The following EMX2 variants were observed in gnomAD, a reference collection of about 807,000 sequenced individuals.
EMX2 encodes homeobox protein EMX2.
Under a neutral mutation model 23.0 loss-of-function variants are expected in EMX2, and 6 were observed. That is an observed-to-expected ratio of 0.26 (90% CI 0.14 to 0.52). The LOEUF is 0.52. Among genes scored for constraint, EMX2 ranks in the 20% least tolerant of loss-of-function variants. EMX2 has a pLI of 0.97. For missense variants in EMX2, 302 were observed against 341.4 expected, an observed-to-expected ratio of 0.88 and a Z score of 0.91; for synonymous variants, 175 against 153.3, an observed-to-expected ratio of 1.14 and a Z score of -1.04.
intron 1 of EMX2, 107 bp from the exon 2 acceptor site, chr10:117,545,525 T>C: frequency 2.2e-6 from 3 of 1,382,698 alleles, no homozygotes; most frequent in Non-Finnish European, 3.0e-6. Context: ...GCGGCGCGGC[T>C]ATGCGAAGGC....
Position 117,543,219 on chromosome 10 carries a change from G to A in EMX2, c.-49G>A, listed in dbSNP as rs1406182567. On this transcript the variant is annotated 5_prime_UTR_variant, in exon 1 of 3. Transcript: ENST00000553456. ...GCAGCGGGCGGCGGAGGCAGCGTGC[G>A]GCGGTCGCCAGGAGCTGGGAGCCCA... 8 of 1,310,924 alleles carry A rather than the reference G, an allele frequency of 6.1e-6. No individual in the cohort carries two copies. The South Asian group carries it at 7.0e-5, about 12-fold the overall frequency. 81.2% of individuals were successfully genotyped at this position (1,310,924 alleles called of 1,614,324 possible). A position where few individuals can be genotyped will look rare whatever the true frequency, so the allele number is the denominator to read the frequency against.
Position 117,543,191 on chromosome 10 carries a change from C to CG in EMX2, c.-74dup. 3 of 1,317,750 alleles carry CG rather than the reference C, an allele frequency of 2.3e-6. No individual in the cohort carries two copies. The highest frequency in any genetic ancestry group is 2.9e-6 in the Non-Finnish European group (3 of 1,026,618). 81.6% of individuals were successfully genotyped at this position (1,317,750 alleles called of 1,614,324 possible). ...CCCCAATTCTCGTCCGTCCTCGCCG[C>CG]GGGCAGCGGGCGGCGGAGGCAGCGT... On this transcript the variant is annotated 5_prime_UTR_variant, in exon 1 of 3. Coordinates refer to ENST00000553456, the MANE Select transcript of EMX2 (RefSeq NM_004098.4).
chr10:117,547,703 A>G (rs1166220950), intron 2 of EMX2, among the ~76,000 whole-genome samples: 1 of 152,150 alleles, frequency 6.6e-6, no homozygotes, highest in East Asian at 1.9e-4. Context: ...TTTTCTTTTA[A>G]TCACTTATTA....
intron 1 of EMX2, chr10:117,544,817 C>T (rs1007668982): frequency 1.3e-5 from 2 of 152,184 alleles, no homozygotes; most frequent in African/African-American, 4.8e-5. Context: ...AATGAGTGAA[C>T]CCAAAACTCT....
intron 1 of EMX2, among the ~76,000 whole-genome samples, chr10:117,543,891 CG>C: frequency 6.6e-6 from 1 of 152,234 alleles, no homozygotes; most frequent in East Asian, 1.9e-4. Flanking sequence ...GCCTGCGGGC[CG>C]CTTGACCCTT....
In EMX2 at chr10:117,543,731, C is replaced by G. The variant is rs1319654416; in HGVS notation, c.406+58C>G. The G allele has an allele frequency of 2.5e-6, 4 of 1,611,966 alleles. No individual in the cohort carries two copies. In the Admixed American group the frequency reaches 6.7e-5, roughly 27 times the overall value. On this transcript the variant is annotated intron_variant, in intron 1 of 2. Transcript: ENST00000553456. ...GCTCCCGCCGCATCCTTCACTGCCC[C>G]CGGCCTGCTCCGGGTGGGCGCTTGG...
chr10:117,543,032 G>A lies in EMX2; in HGVS notation c.-236G>A, dbSNP rs919960360. On this transcript the variant is annotated 5_prime_UTR_variant, in exon 1 of 3. Transcript: ENST00000553456. Reference sequence around the variant, plus strand: ...TCCCCCCTCTCTTCAGGTTGGGCGCGTTTGGTGCAAGATTCTCGGGATCCT... The same window carrying A: ...TCCCCCCTCTCTTCAGGTTGGGCGCATTTGGTGCAAGATTCTCGGGATCCT... 1.6e-5 allele frequency: 8 copies of A among 497,614 alleles called. No homozygotes were observed. Among genetic ancestry groups the A allele is most frequent in the African/African-American group, 6.3e-5 (3 of 47,740 alleles). 30.8% of individuals were successfully genotyped at this position (497,614 alleles called of 1,614,324 possible).
intron 1 of EMX2, 60 bp downstream of exon 1, chr10:117,543,733 G>A: frequency 1.2e-6 from 2 of 1,611,896 alleles, no homozygotes; most frequent in Admixed American, 1.7e-5. Flanking sequence ...CACTGCCCCC[G>A]GCCTGCTCCG....
Position 117,543,408 on chromosome 10 carries a change from C to T in EMX2, c.141C>T (p.Phe47=). 6.3e-7 allele frequency: 1 copy of T among 1,591,666 alleles called. No individual in the cohort carries two copies. ...SYANSSPINP[F]LNGFHSAAAA... is the part of the protein sequence containing the mutation. Reference sequence around the variant, plus strand: ...CTAACTCCAGCCCCATAAATCCGTTCCTCAACGGCTTCCACTCGGCCGCCG... The same window carrying T: ...CTAACTCCAGCCCCATAAATCCGTTTCTCAACGGCTTCCACTCGGCCGCCG... Residue 47 remains phenylalanine, a synonymous_variant, in exon 1 of 3, where the codon TTC becomes TTT. Transcript: ENST00000553456.
chr10:117,544,975 T>G (rs528400800), intron 1 of EMX2: 1 of 152,116 alleles, frequency 6.6e-6, no homozygotes, highest in South Asian at 2.1e-4. Flanking sequence ...CCCCCGGGTT[T>G]CGATCCCTTC....
At chr10:117,543,817 C>T in intron 1 of EMX2, 144 bp downstream of exon 1, 2 of 1,313,656 alleles carry the variant, frequency 1.5e-6, no homozygotes, top group South Asian at 2.5e-5. Context: ...GGAAACTAGG[C>T]GGCGCGGGGC....
chr10:117,548,097 G>A lies in EMX2; in HGVS notation c.624G>A (p.Lys208=). Residue 208 remains lysine (K), a synonymous_variant, in exon 3 of 3, where the codon AAG becomes AAA. Transcript: ENST00000553456. ...VKVWFQNRRT[K]FKRQKLEEEG... The stretch of plus-strand genomic sequence containing the variant: ...TATGGTTTCAGAACCGAAGAACAAA[G>A]TTCAAAAGGCAGAAGCTGGAGGAAG... 1.2e-6 allele frequency: 2 copies of A among 1,613,260 alleles called. No homozygotes were observed. Among genetic ancestry groups the A allele is most frequent in the South Asian group, 2.2e-5 (2 of 90,836 alleles).
In EMX2 at chr10:117,547,883, C is replaced by T. The variant is rs142490906; in HGVS notation, c.592-182C>T. Among the ~76,000 whole-genome samples, 1,172 of 152,126 alleles carry T rather than the reference C, an allele frequency of 7.7e-3. 7 individuals carry two copies. Among genetic ancestry groups the T allele is most frequent in the African/African-American group, 0.021 (857 of 41,490 alleles). ...AGGGAGCTGGGCTTCTGTTCCACCACGCACTAGCGGCCCTGCTCCCTGAGG... is the reference window on the plus strand; with the variant it reads ...AGGGAGCTGGGCTTCTGTTCCACCATGCACTAGCGGCCCTGCTCCCTGAGG... On this transcript the variant is annotated intron_variant, in intron 2 of 2. Transcript: ENST00000553456.
chr10:117,543,544 G>T lies in EMX2; in HGVS notation c.277G>T (p.Ala93Ser). 1 of 1,509,822 alleles carries T rather than the reference G, an allele frequency of 6.6e-7. No homozygotes were observed. Among genetic ancestry groups the T allele is most frequent in the Non-Finnish European group, 8.9e-7 (1 of 1,120,050 alleles). The allele number at this position is 1,509,822 out of a possible 1,614,324, so 93.5% of individuals were successfully genotyped here. Residue 93 changes from alanine (A) to serine (S), a missense_variant, in exon 1 of 3, where the codon GCC (alanine) becomes TCC (serine). Ala to Ser is a moderately conservative substitution (Grantham distance 99, BLOSUM62 1). Coordinates refer to ENST00000553456, the MANE Select transcript of EMX2 (RefSeq NM_004098.4). ...VPVHPVPPPH[A>S]LAAHPLPSSH... ...AGTGCACCCGGTGCCGCCGCCGCACGCCCTGGCCGCCCACCCCCTACCCTC... is the reference window on the plus strand; with the variant it reads ...AGTGCACCCGGTGCCGCCGCCGCACTCCCTGGCCGCCCACCCCCTACCCTC...
intron 2 of EMX2, 77 bp from the exon 3 acceptor site, chr10:117,547,988 C>T (rs1846602830): frequency 1.3e-6 from 2 of 1,540,886 alleles, no homozygotes; most frequent in Non-Finnish European, 1.7e-6. Flanking sequence ...GGAGTCTGGG[C>T]TGGGTGAAAG....
At position 117,543,082 on chromosome 10, in the gene EMX2, CCCCCTCCTT is replaced by C; in HGVS notation, c.-185_-177del. 2 of 475,650 alleles carry C rather than the reference CCCCCTCCTT, an allele frequency of 4.2e-6. No individual in the cohort carries two copies. The highest frequency in any genetic ancestry group is 6.9e-6 in the Non-Finnish European group (2 of 291,486). The allele number at this position is 475,650 out of a possible 1,614,324, so 29.5% of individuals were successfully genotyped here. On this transcript the variant is annotated 5_prime_UTR_variant, in exon 1 of 3. Transcript: ENST00000553456. ...TCGGCTTTGCCTCTCCCTCTCCCTC[CCCCCTCCTT>C]TCCTTTTTCCTTTCCTTTCCTTTCT...
chr10:117,545,978 G>C (rs1015532009), intron 2 of EMX2, among the ~76,000 whole-genome samples, 162 bp downstream of exon 2: 1 of 152,234 alleles, frequency 6.6e-6, no homozygotes, highest in Admixed American at 6.5e-5. Context: ...TCAAGGTGCT[G>C]GCTTTGTTGG....
chr10:117,543,757 C>A, intron 1 of EMX2, 84 bp downstream of exon 1: 1 of 1,603,262 alleles, frequency 6.2e-7, no homozygotes, highest in Non-Finnish European at 8.5e-7. Flanking sequence ...GGGCGCTTGG[C>A]AAGGCCTGGG....
intron 1 of EMX2, chr10:117,544,503 G>A (rs1444797352): frequency 6.6e-6 from 1 of 152,104 alleles, no homozygotes; most frequent in Admixed American, 6.6e-5. Context: ...GTGGGAGGAG[G>A]AGAGTTAAAA....
Sources: gnomAD v4.1 joint callset for allele counts (sites outside exome capture counted in the v4.1 genomes callset) on GRCh38, gnomAD v4.1.1 for gene constraint, MANE v1.5 for transcripts, NCBI Gene and HGNC (gene_info 2026-07-23, HGNC 2026-07-21) for gene names.